POGZ: variants seen among roughly 807,000 people sequenced by gnomAD.
POGZ encodes the protein pogo transposable element with ZNF domain.
Under a neutral mutation model 134.6 loss-of-function variants are expected in POGZ, and 17 were observed. That is an observed-to-expected ratio of 0.13 (90% CI 0.09 to 0.19). POGZ has a LOEUF of 0.19. Among genes scored for constraint, POGZ ranks in the 10% least tolerant of loss-of-function variants. POGZ has a pLI of 1.00. For synonymous variants in POGZ, 693 were observed against 657.1 expected, an observed-to-expected ratio of 1.05 and a Z score of -0.84; for missense variants, 1,306 against 1,769.7, an observed-to-expected ratio of 0.74 and a Z score of 4.70.
chr1:151,433,059 AAATT>A (rs1658965181), intron 3 of POGZ, among the ~76,000 whole-genome samples: 1 of 152,204 alleles, frequency 6.6e-6, no homozygotes, highest in African/African-American at 2.4e-5. Flanking sequence ...AAAAGAAAAT[AAATT>A]ATCTCTTATT....
intron 1 of POGZ, among the ~76,000 whole-genome samples, chr1:151,453,071 C>T (rs1035267639): frequency 2.8e-4 from 42 of 151,856 alleles, no homozygotes; most frequent in African/African-American, 1.7e-4. Flanking sequence ...TACATGCATG[C>T]GCCACAACGC....
At chr1:151,415,397 G>A (rs987694945) in intron 10 of POGZ, among the ~76,000 whole-genome samples, 1 of 152,168 alleles carries the variant, frequency 6.6e-6, no homozygotes, top group Non-Finnish European at 1.5e-5. Flanking sequence ...CGGGTGTGGT[G>A]GCTCACGCCT....
At position 151,424,031 on chromosome 1, in the gene POGZ, C is replaced by G; in HGVS notation, c.1441G>C (p.Val481Leu). The G allele has an allele frequency of 6.2e-7, 1 of 1,614,156 alleles. No individual in the cohort carries two copies. The highest frequency in any genetic ancestry group is 1.1e-5 in the South Asian group (1 of 91,080). The change falls in exon 9 of 19, where the codon GTA (valine) becomes CTA (leucine). Residue 481 changes from valine (V) to leucine (L), a missense_variant. Coordinates refer to ENST00000271715, the MANE Select transcript of POGZ (RefSeq NM_015100.4). ...TTAGGGAAATTTGTGAGCTGGGCTA[C>G]TTTGCCACCATCCCGTCCATAGTAG... ...DFYYGRDGGK[V>L]AQLTNFPKVA...
chr1:151,444,048 C>G (rs1454683602), intron 1 of POGZ, among the ~76,000 whole-genome samples: 1 of 152,172 alleles, frequency 6.6e-6, no homozygotes, highest in Admixed American at 6.5e-5. Flanking sequence ...GGCATTGTTT[C>G]GCTTGAAAAT....
chr1:151,445,870 A>G (rs747028937), intron 1 of POGZ, among the ~76,000 whole-genome samples: 15 of 152,272 alleles, frequency 9.9e-5, no homozygotes, highest in East Asian at 1.9e-4. Flanking sequence ...ATAAATATTC[A>G]GCAAACCAAA....
rs11309351 is a variant in POGZ at position 151,446,755 on chromosome 1, C to CAAAA, written c.-1-4554_-1-4551dup. Among the ~76,000 whole-genome samples the CAAAA allele has an allele frequency of 1.3e-4, 9 of 70,694 alleles. No homozygotes were observed. In the South Asian group the frequency reaches 1.7e-3, roughly 13 times the overall value. The allele number at this position is 70,694 out of a possible 152,430, so 46.4% of individuals were successfully genotyped here. On this transcript the variant is annotated intron_variant, in intron 1 of 18. Transcript: ENST00000271715. ...TGGGCGATAGAGCAAGACTCCATCT[C>CAAAA]AAAAAAAAAAAAAAAAAAAAAAAAG...
intron 3 of POGZ, among the ~76,000 whole-genome samples, chr1:151,438,703 C>G (rs902877442): frequency 2.6e-5 from 4 of 152,020 alleles, no homozygotes; most frequent in Non-Finnish European, 5.9e-5. Flanking sequence ...CATGGTGAAA[C>G]CCTGTCTCTA....
chr1:151,454,749 A>AGGGGG, intron 1 of POGZ, among the ~76,000 whole-genome samples: 1 of 152,140 alleles, frequency 6.6e-6, no homozygotes, highest in South Asian at 2.1e-4. Flanking sequence ...ATTTCTTTTA[A>AGGGGG]CTCTGCTAAC....
chr1:151,447,556 A>C (rs1274323607), intron 1 of POGZ, among the ~76,000 whole-genome samples: 1 of 151,476 alleles, frequency 6.6e-6, no homozygotes, highest in East Asian at 1.9e-4. Context: ...GGCTCAAGAA[A>C]TCCTCCCACC....
chr1:151,451,653 C>T (rs72633638), intron 1 of POGZ, among the ~76,000 whole-genome samples: 11,428 of 151,550 alleles, frequency 0.075, 1,281 homozygotes, highest in East Asian at 0.43. Context: ...TGTAACTTTG[C>T]GTTTACAAGA....
chr1:151,407,571 C>T (rs1361476864), intron 15 of POGZ, among the ~76,000 whole-genome samples: 1 of 152,172 alleles, frequency 6.6e-6, no homozygotes, highest in African/African-American at 2.4e-5. Flanking sequence ...ACTTGAATAG[C>T]AAGGCCCTAT....
rs770872658 is a variant in POGZ, at chr1:151,429,646, G to A, written c.525C>T (p.Asn175=). 6.8e-6 allele frequency: 11 copies of A among 1,612,190 alleles called. No homozygotes were observed. Among genetic ancestry groups the A allele is most frequent in the South Asian group, 5.5e-5 (5 of 91,042 alleles). The stretch of plus-strand genomic sequence containing the variant: ...GTCTAACCGTTTGGCCTTGCTGTAC[G>A]TTCAGCACAATCCCAACCTGATTCA... The part of the protein sequence containing the change: ...NAMNQVGIVL[N]VQQGQTVRPI... Residue 175 remains asparagine, a synonymous_variant, in exon 5 of 19, where the codon AAC becomes AAT. Coordinates refer to ENST00000271715, the MANE Select transcript of POGZ (RefSeq NM_015100.4).
intron 1 of POGZ, among the ~76,000 whole-genome samples, chr1:151,451,325 A>T (rs6667173): frequency 0.087 from 13,143 of 151,436 alleles, 1,200 homozygotes; most frequent in East Asian, 0.39. Flanking sequence ...TATTTATTTT[A>T]TTTTTTTTTA....
In POGZ at chr1:151,428,332, G is replaced by A; in HGVS notation, c.650C>T (p.Thr217Ile). The stretch of plus-strand genomic sequence containing the variant: ...GTTGGTGGTGGGCCTCACAGGCATT[G>A]TGGAGCCTGGCCTCACAGGGGTCAT... ...SQMTPVRPGS[T>I]MPVRPTTNTF... Residue 217 changes from threonine (T) to isoleucine (I), a missense_variant, in exon 6 of 19, where the codon ACA becomes ATA. Coordinates refer to ENST00000271715, the MANE Select transcript of POGZ (RefSeq NM_015100.4). The A allele has an allele frequency of 1.9e-6, 3 of 1,614,010 alleles. No individual in the cohort carries two copies. The highest frequency in any genetic ancestry group is 1.7e-6 in the Non-Finnish European group (2 of 1,179,932).
intron 1 of POGZ, among the ~76,000 whole-genome samples, chr1:151,452,941 T>C (rs1662313707): frequency 6.6e-6 from 1 of 151,854 alleles, no homozygotes; most frequent in Non-Finnish European, 1.5e-5. Context: ...TTTTCTTTTT[T>C]CTTCTTTTTG....
At position 151,430,894 on chromosome 1, in the gene POGZ, C is replaced by T. The variant is rs960077666; in HGVS notation, c.284-53G>A. On this transcript the variant is annotated intron_variant, in intron 3 of 18. Coordinates refer to ENST00000271715, the MANE Select transcript of POGZ (RefSeq NM_015100.4). ...AGGAATGTTAGAAACAATGTTAAAC[C>T]CACATTTTACTTTATTTTATTTTAT... 4.6e-5 allele frequency: 54 copies of T among 1,162,676 alleles called. No individual in the cohort carries two copies. The African/African-American group carries it at 9.3e-4, about 20-fold the overall frequency. 72.0% of individuals were successfully genotyped at this position (1,162,676 alleles called of 1,614,324 possible).
At chr1:151,432,100 C>T (rs948679839) in intron 3 of POGZ, among the ~76,000 whole-genome samples, 5 of 152,056 alleles carry the variant, frequency 3.3e-5, no homozygotes, top group African/African-American at 7.2e-5. Flanking sequence ...ACCAGGGAGG[C>T]GGAGGTTGCA....
Position 151,404,314 on chromosome 1 carries a change from T to G in POGZ, c.*488A>C. 1.0e-6 allele frequency: 1 copy of G among 985,158 alleles called. No individual in the cohort carries two copies. Among genetic ancestry groups the G allele is most frequent in the Non-Finnish European group, 1.2e-6 (1 of 829,286 alleles). 61.0% of individuals were successfully genotyped at this position (985,158 alleles called of 1,614,324 possible). ...TAAACCAGTTTGTGAGCTACATAATTTGTCTTTCCCATCTTCAGAAATGTT... is the reference window on the plus strand; with the variant it reads ...TAAACCAGTTTGTGAGCTACATAATGTGTCTTTCCCATCTTCAGAAATGTT... On this transcript the variant is annotated 3_prime_UTR_variant, in exon 19 of 19. Coordinates refer to ENST00000271715, the MANE Select transcript of POGZ (RefSeq NM_015100.4).
rs190750047 is a variant in POGZ, at chr1:151,425,408, G to T, written c.1079-347C>A. 103 of 164,524 alleles carry T rather than the reference G, an allele frequency of 6.3e-4. 2 individuals carry two copies. In the East Asian group the frequency reaches 0.015, roughly 25 times the overall value. 10.2% of individuals were successfully genotyped at this position (164,524 alleles called of 1,614,324 possible). ...CAGCCCAGCTACCAGTTTCTGTTTG[G>T]CCCATAAGCTAAGAATAATTTGTAT... On this transcript the variant is annotated intron_variant, in intron 7 of 18. Coordinates refer to ENST00000271715, the MANE Select transcript of POGZ (RefSeq NM_015100.4).
Sources: gnomAD v4.1 joint callset for allele counts (sites outside exome capture counted in the v4.1 genomes callset) on GRCh38, gnomAD v4.1.1 for gene constraint, MANE v1.5 for transcripts, NCBI Gene and HGNC (gene_info 2026-07-23, HGNC 2026-07-21) for gene names.